The following FOXN3 variants were observed in gnomAD, a reference collection of about 807,000 sequenced individuals.
FOXN3 encodes forkhead box protein N3.
Under a neutral mutation model 38.4 loss-of-function variants are expected in FOXN3, and 7 were observed. The ratio of observed to expected loss-of-function variants is 0.18; its 90% confidence interval spans 0.10 to 0.34. FOXN3 has a LOEUF of 0.34. Among genes scored for constraint, FOXN3 ranks in the 10% least tolerant of loss-of-function variants. FOXN3 has a pLI of 1.00. For missense variants in FOXN3, 456 were observed against 613.4 expected (o/e 0.74, Z 2.71); for synonymous variants, 230 against 242.2 (o/e 0.95, Z 0.47).
chr14:89,421,319 T>TAGCA (rs1891901270), upstream of FOXN3, among the ~76,000 whole-genome samples: 1 of 150,918 alleles, frequency 6.6e-6, no homozygotes, highest in African/African-American at 2.4e-5. Context: ...CTGGCTAATT[T>TAGCA]TGTATTTTTA....
At chr14:89,297,334 G>C (rs548869023) in intron 3 of FOXN3, among the ~76,000 whole-genome samples, 2 of 152,000 alleles carry the variant, frequency 1.3e-5, no homozygotes, top group Admixed American at 1.3e-4. Flanking sequence ...AAGCCGAGGC[G>C]GGCGGATCAC....
At chr14:89,611,139 GA>G (rs1171395895) in intron 1 of FOXN3, among the ~76,000 whole-genome samples, 1 of 152,170 alleles carries the variant, frequency 6.6e-6, no homozygotes, top group Non-Finnish European at 1.5e-5. Context: ...TTGCTTAGAT[GA>G]AAAAATCAAG....
chr14:89,415,719 A>T (rs150321959), intron 1 of FOXN3, among the ~76,000 whole-genome samples: 25 of 149,116 alleles, frequency 1.7e-4, no homozygotes, highest in Non-Finnish European at 3.3e-4. Flanking sequence ...CCTGTTTCAG[A>T]GGGAAAAAAA....
chr14:89,498,208 C>CTT (rs1893725438), intron 1 of FOXN3, among the ~76,000 whole-genome samples: 1 of 123,766 alleles, frequency 8.1e-6, no homozygotes, highest in African/African-American at 3.6e-5. Context: ...CTCTCTCTCT[C>CTT]TCTTTTTTTT....
At chr14:89,450,656 G>T (rs899946191) in intron 1 of FOXN3, among the ~76,000 whole-genome samples, 1 of 151,594 alleles carries the variant, frequency 6.6e-6, no homozygotes, top group African/African-American at 2.4e-5. Flanking sequence ...CACAATCTCG[G>T]CTCACTGTAA....
chr14:89,426,332 A>C (rs572433599), intron 1 of FOXN3, among the ~76,000 whole-genome samples: 47 of 141,930 alleles, frequency 3.3e-4, no homozygotes, highest in African/African-American at 1.2e-3. Context: ...TCAAGTGATT[A>C]TCCCTGCCTC....
In FOXN3 at chr14:89,487,663, C is replaced by T. The variant is rs10135314; in HGVS notation, c.-14-75173G>A. The stretch of plus-strand genomic sequence containing the variant: ...AAGGACAAAGCATAGAGTTAGGGAT[C>T]GCATCATGGAGGGATGAAGAGTCAG... On this transcript the variant is annotated intron_variant, in intron 1 of 6. Transcript: ENST00000345097. 4.0e-3 allele frequency among the ~76,000 whole-genome samples: 608 copies of T among 152,238 alleles called. 6 individuals are homozygous for T. The highest frequency in any genetic ancestry group is 0.014 in the African/African-American group (571 of 41,538).
At chr14:89,224,514 T>C (rs1169772949) in intron 4 of FOXN3, among the ~76,000 whole-genome samples, 1 of 152,228 alleles carries the variant, frequency 6.6e-6, no homozygotes, top group African/African-American at 2.4e-5. Context: ...CTTGCCCATA[T>C]GATGTGATAT....
At chr14:89,210,790 G>T (rs555186019) in intron 4 of FOXN3, among the ~76,000 whole-genome samples, 26 of 152,286 alleles carry the variant, frequency 1.7e-4, no homozygotes, top group African/African-American at 5.8e-4. Context: ...CCCCTTCCTT[G>T]GGTGGTTCAT....
chr14:89,388,676 G>A (rs145078502), intron 2 of FOXN3, among the ~76,000 whole-genome samples: 46 of 152,074 alleles, frequency 3.0e-4, no homozygotes, highest in Non-Finnish European at 5.7e-4. Context: ...GAGCAGGAGG[G>A]CTCAGAGAAG....
chr14:89,210,949 T>C (rs1884074151), intron 4 of FOXN3, among the ~76,000 whole-genome samples: 1 of 152,350 alleles, frequency 6.6e-6, no homozygotes, highest in South Asian at 2.1e-4. Flanking sequence ...AATTTTTACA[T>C]TTCTCCACTC....
chr14:89,427,471 G>A (rs118072491), intron 1 of FOXN3, among the ~76,000 whole-genome samples: 7,469 of 142,040 alleles, frequency 0.053, 250 homozygotes, highest in East Asian at 0.084. Flanking sequence ...GCGCCCGGCT[G>A]ATTTTTTTTT....
chr14:89,580,742 T>G (rs1895724224), intron 1 of FOXN3, among the ~76,000 whole-genome samples: 1 of 152,242 alleles, frequency 6.6e-6, no homozygotes, highest in Non-Finnish European at 1.5e-5. Context: ...GCAAGGGACA[T>G]GACATTACTT....
chr14:89,470,676 C>A (rs1297056765), intron 1 of FOXN3, among the ~76,000 whole-genome samples: 3 of 152,294 alleles, frequency 2.0e-5, no homozygotes, highest in East Asian at 1.9e-4. Flanking sequence ...ACATGAATTT[C>A]TTTTGGGGCC....
chr14:89,332,353 C>A (rs571461040), intron 3 of FOXN3, among the ~76,000 whole-genome samples: 1 of 152,230 alleles, frequency 6.6e-6, no homozygotes, highest in East Asian at 1.9e-4. Flanking sequence ...AAATTTTAAG[C>A]TCACAACAAA....
At chr14:89,459,142 C>T (rs1892787131) in intron 1 of FOXN3, among the ~76,000 whole-genome samples, 1 of 151,268 alleles carries the variant, frequency 6.6e-6, no homozygotes, top group African/African-American at 2.4e-5. Context: ...AAGACCTGTG[C>T]TTGGTGAATC....
At chr14:89,520,766 T>G (rs748734104) in intron 1 of FOXN3, among the ~76,000 whole-genome samples, 1 of 151,818 alleles carries the variant, frequency 6.6e-6, no homozygotes, top group African/African-American at 2.4e-5. Flanking sequence ...ACTAGACATA[T>G]AAAGAAATAA....
At chr14:89,190,160 T>G (rs1887906533) in intron 4 of FOXN3, among the ~76,000 whole-genome samples, 1 of 152,370 alleles carries the variant, frequency 6.6e-6, no homozygotes, top group East Asian at 1.9e-4. Flanking sequence ...TGAAATTATA[T>G]AAGAACTTTC....
intron 4 of FOXN3, among the ~76,000 whole-genome samples, chr14:89,241,946 T>A (rs1328444812): frequency 6.6e-6 from 1 of 152,186 alleles, no homozygotes; most frequent in South Asian, 2.1e-4. Flanking sequence ...TTTTTCTCCA[T>A]GCTGCTGCTC....
Sources: gnomAD v4.1 joint callset for allele counts (sites outside exome capture counted in the v4.1 genomes callset) on GRCh38, gnomAD v4.1.1 for gene constraint, MANE v1.5 for transcripts, NCBI Gene and HGNC (gene_info 2026-07-23, HGNC 2026-07-21) for gene names.